Variants in XRN2 observed in about 807,000 individuals in gnomAD.
The protein encoded by XRN2 is 5'-3' exoribonuclease 2.
A neutral mutation model predicts 138.5 loss-of-function variants in XRN2; 44 were observed. That is an observed-to-expected ratio of 0.32 (90% CI 0.25 to 0.41). XRN2 has a LOEUF of 0.41. Ranked by LOEUF, XRN2 falls within the 10% of genes least tolerant of loss-of-function variation. The pLI, the probability that XRN2 is intolerant of heterozygous loss-of-function variation, is 1.00. For synonymous variants in XRN2, 354 were observed against 369.4 expected, an observed-to-expected ratio of 0.96 and a Z score of 0.48; for missense variants, 937 against 1,169.3, an observed-to-expected ratio of 0.80 and a Z score of 2.90.
intron 27 of XRN2, among the ~76,000 whole-genome samples, chr20:21,376,361 AAAAT>A (rs1442078919): frequency 2.6e-5 from 4 of 152,184 alleles, no homozygotes; most frequent in Non-Finnish European, 5.9e-5. Flanking sequence ...TCTTTAACAT[AAAAT>A]AAATAAAGTT....
In XRN2 at chr20:21,303,342, C is replaced by A. The variant is rs559843409; in HGVS notation, c.-57C>A. The A allele has an allele frequency of 3.3e-5, 51 of 1,533,540 alleles. No individual in the cohort carries two copies. The highest frequency in any genetic ancestry group is 4.2e-5 in the African/African-American group (3 of 71,056). 95.0% of individuals were successfully genotyped at this position (1,533,540 alleles called of 1,614,324 possible). Reference sequence around the variant, plus strand: ...TGCTGGTGCCCTCTGCCGCTGCTCCCGTCTCTTTGGTTACGCTCGTCAGCC... The same window carrying A: ...TGCTGGTGCCCTCTGCCGCTGCTCCAGTCTCTTTGGTTACGCTCGTCAGCC... On this transcript the variant is annotated 5_prime_UTR_variant, in exon 1 of 30. Transcript: ENST00000377191.
chr20:21,322,540 T>A (rs2038060788), intron 1 of XRN2, among the ~76,000 whole-genome samples: 1 of 152,220 alleles, frequency 6.6e-6, no homozygotes, highest in African/African-American at 2.4e-5. Flanking sequence ...ATGGTTTTTC[T>A]AATGTTCCTG....
At chr20:21,304,903 A>C (rs779784660) in intron 1 of XRN2, among the ~76,000 whole-genome samples, 4 of 152,214 alleles carry the variant, frequency 2.6e-5, no homozygotes, top group Non-Finnish European at 5.9e-5. Context: ...GGCTTTGACT[A>C]TACAGATTTA....
chr20:21,340,845 A>G lies in XRN2; in HGVS notation c.1403A>G (p.Asn468Ser), dbSNP rs1243019582. ...RQAAYEMRMQ[N>S]NSSPSISPNT... ...GCAGCCTATGAAATGAGGATGCAGA[A>G]TAACTCTGTAAGTGGCTTACTTTTA... The change falls in exon 15 of 30, where the codon AAT (asparagine) becomes AGT (serine). Residue 468 changes from asparagine to serine, a missense_variant. Transcript: ENST00000377191. 8 of 1,613,960 alleles carry G rather than the reference A, an allele frequency of 5.0e-6. No individual in the cohort carries two copies. Among genetic ancestry groups the G allele is most frequent in the Non-Finnish European group, 6.8e-6 (8 of 1,179,852 alleles).
intron 6 of XRN2, 99 bp downstream of exon 6, chr20:21,330,804 A>T: frequency 8.9e-7 from 1 of 1,125,558 alleles, no homozygotes; most frequent in Non-Finnish European, 1.3e-6. Context: ...CCTGCCCCAT[A>T]AAATGCTAGT....
intron 28 of XRN2, among the ~76,000 whole-genome samples, chr20:21,386,290 A>G (rs574476304): frequency 2.7e-4 from 41 of 152,372 alleles, no homozygotes; most frequent in African/African-American, 9.4e-4. Context: ...ACCGTGGTCA[A>G]TTGAAAGCTG....
intron 26 of XRN2, among the ~76,000 whole-genome samples, chr20:21,366,098 CAT>C (rs1202986404): frequency 2.1e-4 from 21 of 98,520 alleles, no homozygotes; most frequent in South Asian, 1.2e-3. Flanking sequence ...ATATATATAA[CAT>C]ATATAAATAT....
Position 21,328,622 on chromosome 20 carries a change from G to C in XRN2, c.379G>C (p.Glu127Gln). ...GTTCAGGGCATCAAAAGAAGGAATG[G>C]AAGCAGCAGTCGAGAAGCAGCGAGT... ...RRFRASKEGM[E>Q]AAVEKQRVRE... Residue 127 changes from glutamate to glutamine, a missense_variant, in exon 4 of 30, where the codon GAA (glutamate) becomes CAA (glutamine). This residue lies in a region of XRN2 where 471 missense variants were observed against 581.2 expected (regional missense o/e 0.81). Transcript: ENST00000377191. The C allele has an allele frequency of 6.2e-7, 1 of 1,614,098 alleles. No homozygotes were observed. Among genetic ancestry groups the C allele is most frequent in the Non-Finnish European group, 8.5e-7 (1 of 1,179,984 alleles).
At chr20:21,367,188 A>G (rs1304737931) in intron 26 of XRN2, among the ~76,000 whole-genome samples, 1 of 152,096 alleles carries the variant, frequency 6.6e-6, no homozygotes, top group African/African-American at 2.4e-5. Flanking sequence ...TCCAGTTTTT[A>G]TCCTTTGCCC....
At chr20:21,368,728 T>A in intron 27 of XRN2, 138 bp downstream of exon 27, 18 of 1,205,264 alleles carry the variant, frequency 1.5e-5, no homozygotes, top group Non-Finnish European at 2.0e-5. Context: ...GTTAGAAGAG[T>A]TGTGAGAGAA....
chr20:21,313,533 A>C (rs760351708), intron 1 of XRN2, among the ~76,000 whole-genome samples: 14 of 152,242 alleles, frequency 9.2e-5, no homozygotes, highest in Admixed American at 2.6e-4. Context: ...TGTGGATTAG[A>C]TGTATTAATA....
intron 1 of XRN2, among the ~76,000 whole-genome samples, chr20:21,317,319 G>T (rs1480612565): frequency 6.6e-6 from 1 of 151,410 alleles, no homozygotes; most frequent in African/African-American, 2.4e-5. Context: ...TTTTAATCAT[G>T]AAAGTGTTGG....
intron 13 of XRN2, among the ~76,000 whole-genome samples, chr20:21,334,444 C>T (rs111639229): frequency 8.0e-4 from 122 of 152,260 alleles, no homozygotes; most frequent in African/African-American, 2.8e-3. Flanking sequence ...AATCCAAACA[C>T]ATTTCTAATC....
intron 26 of XRN2, among the ~76,000 whole-genome samples, chr20:21,366,171 T>TAAC (rs1358088456): frequency 4.9e-5 from 5 of 102,990 alleles, no homozygotes; most frequent in East Asian, 2.8e-4. Context: ...GTTTATATAA[T>TAAC]ATATATAAAT....
chr20:21,309,392 A>C (rs372119689), intron 1 of XRN2, among the ~76,000 whole-genome samples: 1 of 152,086 alleles, frequency 6.6e-6, no homozygotes, highest in African/African-American at 2.4e-5. Context: ...GAGCTTTTTT[A>C]GTTTGTATCT....
chr20:21,330,798 C>A, intron 6 of XRN2, 93 bp downstream of exon 6: 1 of 1,203,952 alleles, frequency 8.3e-7, no homozygotes, highest in Non-Finnish European at 1.2e-6. Context: ...TTCTGCCCTG[C>A]CCCATAAAAT....
At chr20:21,356,038 A>G in intron 21 of XRN2, 42 bp from the exon 22 acceptor site, 1 of 1,531,774 alleles carries the variant, frequency 6.5e-7, no homozygotes, top group Non-Finnish European at 8.9e-7. Context: ...TTGCAGGTAC[A>G]ATTTTTTTAT....
In XRN2 at chr20:21,353,223, GATATATATATAT is replaced by G. The variant is rs869071652; in HGVS notation, c.1937-1535_1937-1524del. 3.4e-3 allele frequency among the ~76,000 whole-genome samples: 390 copies of G among 113,832 alleles called. 4 individuals carry two copies. Among genetic ancestry groups the G allele is most frequent in the African/African-American group, 1.0e-2 (274 of 27,442 alleles). The allele number at this position is 113,832 out of a possible 152,430, so 74.7% of individuals were successfully genotyped here. A position where few individuals can be genotyped will look rare whatever the true frequency, so the allele number is the denominator to read the frequency against. On this transcript the variant is annotated intron_variant, in intron 20 of 29. Transcript: ENST00000377191. ...AAATATAAATAAATGTAGTGGGTAG[GATATATATATAT>G]ATATATATATATATATATATATATA...
chr20:21,309,015 A>G (rs2037841943), intron 1 of XRN2, among the ~76,000 whole-genome samples: 1 of 152,232 alleles, frequency 6.6e-6, no homozygotes, highest in Non-Finnish European at 1.5e-5. Context: ...CATTCCTTGG[A>G]TAAACCTCAC....
Sources: allele counts gnomAD v4.1 joint callset (sites outside exome capture counted in the v4.1 genomes callset), GRCh38; gene constraint gnomAD v4.1.1; regional missense constraint gnomAD v4.1.1; transcripts MANE v1.5; gene names NCBI Gene and HGNC (gene_info 2026-07-23, HGNC 2026-07-21).